The following RFT1 variants were observed in gnomAD, a reference collection of about 807,000 sequenced individuals.
RFT1 encodes RFT1 glycolipid translocator homolog, also known as man(5)GlcNAc(2)-PP-dolichol translocation protein RFT1.
A neutral mutation model predicts 62.2 loss-of-function variants in RFT1; 43 were observed. The observed-to-expected ratio is 0.69, with a 90% CI of 0.54 to 0.89. The LOEUF is 0.89. RFT1 is among the 40% of genes least tolerant of loss of function. The probability of loss-of-function intolerance (pLI) is 0.00; values close to 1 mark genes in which losing one functional copy is unlikely to be tolerated. For missense variants in RFT1, 605 were observed against 649.9 expected (o/e 0.93, Z 0.75); for synonymous variants, 262 against 264.6 (o/e 0.99, Z 0.10).
rs1700997119 is a variant in RFT1 at position 53,091,837 on chromosome 3, T to C, written c.*66A>G. On this transcript the variant is annotated 3_prime_UTR_variant, in exon 13 of 13. Coordinates refer to ENST00000296292, the MANE Select transcript of RFT1 (RefSeq NM_052859.4). Reference sequence around the variant, plus strand: ...CCCTCAGTGGGGCTCTTACACAGAATGTGTTCCACCCACAGAACTACCCAT... The same window carrying C: ...CCCTCAGTGGGGCTCTTACACAGAACGTGTTCCACCCACAGAACTACCCAT... 1.3e-6 allele frequency: 2 copies of C among 1,558,240 alleles called. No individual in the cohort carries two copies. The highest frequency in any genetic ancestry group is 1.8e-6 in the Non-Finnish European group (2 of 1,131,038).
the RFT1 span, among the ~76,000 whole-genome samples, chr3:53,081,013 G>A: frequency 6.6e-6 from 1 of 152,224 alleles, no homozygotes; most frequent in East Asian, 1.9e-4. Flanking sequence ...GATGGGGACA[G>A]AGCAGCCTAG....
At chr3:53,105,102 G>C (rs1283199634) in intron 9 of RFT1, among the ~76,000 whole-genome samples, 1 of 152,232 alleles carries the variant, frequency 6.6e-6, no homozygotes, top group Admixed American at 6.5e-5. Context: ...TTAGAGTCCT[G>C]AGAGGGCTGG....
rs371860219 is a variant in RFT1, at chr3:53,095,546, G to A, written c.1209-2928C>T. 7.9e-5 allele frequency among the ~76,000 whole-genome samples: 12 copies of A among 152,066 alleles called. No homozygotes were observed. The East Asian group carries it at 1.4e-3, about 17-fold the overall frequency. On this transcript the variant is annotated intron_variant, in intron 11 of 12. Coordinates refer to ENST00000296292, the MANE Select transcript of RFT1 (RefSeq NM_052859.4). ...GGGAAACATGGTGCCCAGAGACTCC[G>A]TCTCTACAAAAAATACAAAAATTAG...
intron 6 of RFT1, among the ~76,000 whole-genome samples, chr3:53,118,677 C>A (rs1017327884): frequency 1.3e-5 from 2 of 152,040 alleles, no homozygotes; most frequent in Admixed American, 1.3e-4. Flanking sequence ...AGGGAAAGTG[C>A]CCAGAATGGA....
the RFT1 span, among the ~76,000 whole-genome samples, chr3:53,072,497 A>G: frequency 6.6e-6 from 1 of 152,054 alleles, no homozygotes; most frequent in African/African-American, 2.4e-5. Context: ...CTCTGTTTCC[A>G]CACTGCACCT....
chr3:53,072,123 A>C, the RFT1 span, among the ~76,000 whole-genome samples: 1 of 152,150 alleles, frequency 6.6e-6, no homozygotes, highest in Non-Finnish European at 1.5e-5. Flanking sequence ...TCTGCCTGGG[A>C]GTGTCAGGAT....
chr3:53,086,611 C>T (rs1184862473), downstream of RFT1, among the ~76,000 whole-genome samples: 1 of 152,178 alleles, frequency 6.6e-6, no homozygotes, highest in African/African-American at 2.4e-5. Context: ...CCACCGCGCC[C>T]GGCTTTCAGT....
Position 53,091,686 on chromosome 3 carries a change from C to G in RFT1, c.*217G>C. 1.7e-6 allele frequency: 1 copy of G among 604,446 alleles called. No individual in the cohort carries two copies. The highest frequency in any genetic ancestry group is 1.9e-5 in the South Asian group (1 of 51,530). 37.4% of individuals were successfully genotyped at this position (604,446 alleles called of 1,614,324 possible). Reference sequence around the variant, plus strand: ...ATAAAAAACTATTATTTTTAAAGGGCTTTTGGTCTTCACTTAAAAATGAAA... The same window carrying G: ...ATAAAAAACTATTATTTTTAAAGGGGTTTTGGTCTTCACTTAAAAATGAAA... On this transcript the variant is annotated 3_prime_UTR_variant, in exon 13 of 13. Transcript: ENST00000296292.
intron 11 of RFT1, among the ~76,000 whole-genome samples, chr3:53,093,648 T>C (rs1701058603): frequency 6.6e-6 from 1 of 151,648 alleles, no homozygotes; most frequent in African/African-American, 2.4e-5. Context: ...GAGGCTGAAG[T>C]GGTGGGAGGA....
chr3:53,116,221 G>A (rs1401281864), intron 6 of RFT1, among the ~76,000 whole-genome samples: 1 of 152,142 alleles, frequency 6.6e-6, no homozygotes, highest in Non-Finnish European at 1.5e-5. Flanking sequence ...CTGCTCTGGG[G>A]AGTCAAGTCA....
At position 53,092,635 on chromosome 3, in the gene RFT1, A is replaced by G; in HGVS notation, c.1209-17T>C. The G allele has an allele frequency of 6.2e-7, 1 of 1,607,872 alleles. No individual in the cohort carries two copies. The highest frequency in any genetic ancestry group is 8.5e-7 in the Non-Finnish European group (1 of 1,177,336). ...AAATTGTACCTGGGGAGGAGACAGG[A>G]AAAGGAGGGCAGTGGTGACCTTGCC... is the stretch of plus-strand genomic sequence containing the variant. On this transcript the variant is annotated splice_polypyrimidine_tract_variant and intron_variant, in intron 11 of 12. Coordinates refer to ENST00000296292, the MANE Select transcript of RFT1 (RefSeq NM_052859.4).
downstream of RFT1, among the ~76,000 whole-genome samples, chr3:53,084,012 T>C (rs1559574601): frequency 9.5e-6 from 1 of 104,956 alleles, no homozygotes; most frequent in Non-Finnish European, 1.9e-5. Context: ...CATTCTCTAG[T>C]TTGGTTGGGA....
Position 53,119,923 on chromosome 3 carries a change from G to A in RFT1, c.657C>T (p.Ser219=), listed in dbSNP as rs149157065. Residue 219 remains serine, a synonymous_variant, in exon 6 of 13, where the codon TCC becomes TCT. Transcript: ENST00000296292. ...ESTKLQTLPV[S]RITDLLPNIT... ...TATTGGGTAACAGATCTGTTATTCT[G>A]GAGACAGGAAGAGTTTGAAGCTTGG... is the stretch of plus-strand genomic sequence containing the variant. 164 of 1,612,668 alleles carry A rather than the reference G, an allele frequency of 1.0e-4. No homozygotes were observed. Among genetic ancestry groups the A allele is most frequent in the Non-Finnish European group, 1.4e-4 (160 of 1,179,248 alleles).
chr3:53,079,005 G>A, the RFT1 span, among the ~76,000 whole-genome samples: 3 of 152,248 alleles, frequency 2.0e-5, no homozygotes, highest in Non-Finnish European at 4.4e-5. Context: ...GCAGGGCTGG[G>A]ATCGGAATAC....
intron 7 of RFT1, among the ~76,000 whole-genome samples, chr3:53,108,069 G>A (rs1701538422): frequency 6.6e-6 from 1 of 152,178 alleles, no homozygotes; most frequent in Non-Finnish European, 1.5e-5. Context: ...GTTGTTTTGA[G>A]ACAGAGTCTT....
Position 53,092,423 on chromosome 3 carries a change from C to A in RFT1, c.1404G>T (p.Ser468=). 2 of 1,609,550 alleles carry A rather than the reference C, an allele frequency of 1.2e-6. No individual in the cohort carries two copies. The highest frequency in any genetic ancestry group is 1.3e-5 in the African/African-American group (1 of 75,024). ...PHRPLAGLHL[S]PVLLGTFALS... ...GGGCAAATGTCCCGAGCAGGACTGG[C>A]GATAGGTGCAGGCCAGCCAGGGGCC... is the stretch of plus-strand genomic sequence containing the variant. Residue 468 remains serine, a synonymous_variant, in exon 12 of 13, where the codon TCG becomes TCT. Coordinates refer to ENST00000296292, the MANE Select transcript of RFT1 (RefSeq NM_052859.4).
At chr3:53,114,640 G>A (rs185284017) in intron 6 of RFT1, among the ~76,000 whole-genome samples, 1 of 152,192 alleles carries the variant, frequency 6.6e-6, no homozygotes, top group Non-Finnish European at 1.5e-5. Flanking sequence ...GTCAAAAGAG[G>A]CCTATTTCAC....
chr3:53,103,809 G>T, intron 10 of RFT1, 144 bp downstream of exon 10: 1 of 1,022,560 alleles, frequency 9.8e-7, no homozygotes, highest in Non-Finnish European at 1.5e-6. Context: ...TGAACGAGGG[G>T]AACAGTCCCA....
chr3:53,107,864 T>G (rs945007923), intron 7 of RFT1, among the ~76,000 whole-genome samples: 2 of 152,120 alleles, frequency 1.3e-5, no homozygotes, highest in Non-Finnish European at 2.9e-5. Flanking sequence ...AAGGAAAGCA[T>G]CAAGAGGCTA....
Sources: gnomAD v4.1 joint callset for allele counts (sites outside exome capture counted in the v4.1 genomes callset) on GRCh38, gnomAD v4.1.1 for gene constraint, MANE v1.5 for transcripts, NCBI Gene and HGNC (gene_info 2026-07-23, HGNC 2026-07-21) for gene names.